Variants in AVL9 observed in about 807,000 individuals in gnomAD.
The protein encoded by AVL9 is late secretory pathway protein AVL9 homolog.
In AVL9, 49 loss-of-function variants were observed where a neutral mutation model predicts 79.2. The ratio of observed to expected loss-of-function variants is 0.62; its 90% confidence interval spans 0.49 to 0.79. The LOEUF is 0.79. AVL9 is among the 30% of genes least tolerant of loss of function. The pLI is 0.00. For missense variants in AVL9, 682 were observed against 776.8 expected, an observed-to-expected ratio of 0.88 and a Z score of 1.45; for synonymous variants, 299 against 280.6, an observed-to-expected ratio of 1.07 and a Z score of -0.65.
intron 1 of AVL9, among the ~76,000 whole-genome samples, chr7:32,512,368 CTG>C (rs1471007734): frequency 6.6e-6 from 1 of 151,492 alleles, no homozygotes; most frequent in African/African-American, 2.4e-5. Flanking sequence ...ATTTACCTCA[CTG>C]TGTGAATGCA....
intron 1 of AVL9, among the ~76,000 whole-genome samples, chr7:32,524,460 A>T (rs1451901332): frequency 1.3e-5 from 2 of 152,092 alleles, no homozygotes; most frequent in African/African-American, 4.8e-5. Flanking sequence ...GGTTGCAGTG[A>T]ACCGAGATCA....
At chr7:32,529,218 C>T (rs776670574) in intron 1 of AVL9, among the ~76,000 whole-genome samples, 6 of 152,136 alleles carry the variant, frequency 3.9e-5, no homozygotes, top group Non-Finnish European at 7.3e-5. Context: ...AAGAGGTTGG[C>T]TTTGTAGGCA....
intron 1 of AVL9, chr7:32,532,500 A>T (rs1788703428): frequency 6.6e-6 from 1 of 152,044 alleles, no homozygotes; most frequent in Non-Finnish European, 1.5e-5. Context: ...GCAAAATGTC[A>T]TTTTATATAA....
At chr7:32,568,201 A>ATT (rs1461334484) in intron 10 of AVL9, among the ~76,000 whole-genome samples, 2 of 129,254 alleles carry the variant, frequency 1.5e-5, no homozygotes, top group South Asian at 2.5e-4. Context: ...TCTTTTATTT[A>ATT]TTTATTTTTT....
chr7:32,553,876 G>A, intron 7 of AVL9, 109 bp downstream of exon 7: 2 of 717,866 alleles, frequency 2.8e-6, no homozygotes, highest in Non-Finnish European at 4.8e-6. Flanking sequence ...ATTGAATGCA[G>A]ATTGTGGCAT....
chr7:32,508,542 T>G (rs1299599553), intron 1 of AVL9, among the ~76,000 whole-genome samples: 2 of 152,248 alleles, frequency 1.3e-5, no homozygotes, highest in Non-Finnish European at 2.9e-5. Context: ...CAAATTTTAC[T>G]TAATAGCACA....
chr7:32,517,975 C>T (rs1787982012), intron 1 of AVL9, among the ~76,000 whole-genome samples: 1 of 152,002 alleles, frequency 6.6e-6, no homozygotes, highest in South Asian at 2.1e-4. Context: ...GGACTACAGG[C>T]ATGTGCCACC....
intron 1 of AVL9, among the ~76,000 whole-genome samples, chr7:32,503,975 A>T (rs961296238): frequency 6.6e-6 from 1 of 152,112 alleles, no homozygotes; most frequent in Non-Finnish European, 1.5e-5. Flanking sequence ...AAGCCACCGC[A>T]CCTGGCCTTT....
At chr7:32,514,197 T>A (rs1787810850) in intron 1 of AVL9, among the ~76,000 whole-genome samples, 1 of 152,248 alleles carries the variant, frequency 6.6e-6, no homozygotes, top group East Asian at 1.9e-4. Context: ...GCTGAGGGGC[T>A]GTAAGGTCTT....
intron 15 of AVL9, among the ~76,000 whole-genome samples, chr7:32,582,262 A>G (rs1462863896): frequency 2.6e-5 from 4 of 152,084 alleles, no homozygotes; most frequent in Non-Finnish European, 2.9e-5. Context: ...CTACTTCCCT[A>G]GCTTCTGAAA....
At chr7:32,536,547 T>C (rs74640715) in intron 1 of AVL9, 5 of 147,436 alleles carry the variant, frequency 3.4e-5, no homozygotes, top group Non-Finnish European at 6.0e-5. Context: ...CTTTTTTTTT[T>C]CATGCTTAAT....
Position 32,544,826 on chromosome 7 carries a change from T to C in AVL9, c.300+47T>C, listed in dbSNP as rs377260665. 2.9e-6 allele frequency: 4 copies of C among 1,380,258 alleles called. No homozygotes were observed. In the African/African-American group the frequency reaches 5.7e-5, roughly 20 times the overall value. 85.5% of individuals were successfully genotyped at this position (1,380,258 alleles called of 1,614,324 possible). A position where few individuals can be genotyped will look rare whatever the true frequency, so the allele number is the denominator to read the frequency against. Reference sequence around the variant, plus strand: ...AACAATTCCAAAGTCCCTTCTTAGATGTTGGACACTTAAACACAGTCTTTA... The same window carrying C: ...AACAATTCCAAAGTCCCTTCTTAGACGTTGGACACTTAAACACAGTCTTTA... On this transcript the variant is annotated intron_variant, in intron 3 of 15. Transcript: ENST00000318709.
At position 32,587,556 on chromosome 7, in the gene AVL9, A is replaced by G. The variant is rs1583625236; in HGVS notation, c.*3649A>G. ...GTTGCAGAAAGTAGCCTGTTAGGAC[A>G]GCAGCTGCTAAGCGTTGCCTGGTAT... On this transcript the variant is annotated 3_prime_UTR_variant, in exon 16 of 16. Transcript: ENST00000318709. 1 of 152,250 alleles carries G rather than the reference A, an allele frequency of 6.6e-6. No individual in the cohort carries two copies. Among genetic ancestry groups the G allele is most frequent in the South Asian group, 2.1e-4 (1 of 4,836 alleles). 9.4% of individuals were successfully genotyped at this position (152,250 alleles called of 1,614,324 possible).
chr7:32,525,146 G>A (rs568100352), intron 1 of AVL9, among the ~76,000 whole-genome samples: 10 of 152,176 alleles, frequency 6.6e-5, no homozygotes, highest in African/African-American at 2.2e-4. Context: ...TCTGGCTAAC[G>A]AAGGGTCAAA....
At chr7:32,555,953 GTAAC>G (rs1413399483) in intron 8 of AVL9, among the ~76,000 whole-genome samples, 4 of 152,096 alleles carry the variant, frequency 2.6e-5, no homozygotes, top group African/African-American at 9.7e-5. Flanking sequence ...TTATAAGTGA[GTAAC>G]TATTAGTTTA....
intron 4 of AVL9, among the ~76,000 whole-genome samples, chr7:32,550,336 C>T (rs1186898774): frequency 1.3e-5 from 2 of 152,142 alleles, no homozygotes; most frequent in African/African-American, 4.8e-5. Flanking sequence ...GTGTAATTCT[C>T]ACAGACATGT....
In AVL9 at chr7:32,495,733, G is replaced by A. The variant is rs750837056; in HGVS notation, c.24G>A (p.Gly8=). 3 of 1,261,830 alleles carry A rather than the reference G, an allele frequency of 2.4e-6. No homozygotes were observed. Among genetic ancestry groups the A allele is most frequent in the South Asian group, 3.3e-5 (1 of 30,432 alleles). The allele number at this position is 1,261,830 out of a possible 1,614,324, so 78.2% of individuals were successfully genotyped here. Residue 8 remains glycine, a synonymous_variant, in exon 1 of 16, where the codon GGG becomes GGA. Coordinates refer to ENST00000318709, the MANE Select transcript of AVL9 (RefSeq NM_015060.3). Reference sequence around the variant, plus strand: ...CCATGGAGAAGGCCAGGAGAGGCGGGGATGGCGTCCCCCGGGGGCCCGTAC... The same window carrying A: ...CCATGGAGAAGGCCAGGAGAGGCGGAGATGGCGTCCCCCGGGGGCCCGTAC... MEKARRG[G]DGVPRGPVLH... is the part of the protein sequence containing the mutation.
intron 8 of AVL9, among the ~76,000 whole-genome samples, chr7:32,557,682 G>A (rs1218931716): frequency 6.6e-6 from 1 of 152,086 alleles, no homozygotes; most frequent in African/African-American, 2.4e-5. Flanking sequence ...TTTGGTTGAG[G>A]TGGTGGTTGC....
At chr7:32,578,845 G>T (rs1026289123) in intron 13 of AVL9, among the ~76,000 whole-genome samples, 1 of 152,054 alleles carries the variant, frequency 6.6e-6, no homozygotes, top group Non-Finnish European at 1.5e-5. Flanking sequence ...TGTTATCAGA[G>T]GGTGTCATTT....
Sources: allele counts gnomAD v4.1 joint callset (sites outside exome capture counted in the v4.1 genomes callset), GRCh38; gene constraint gnomAD v4.1.1; transcripts MANE v1.5; gene names NCBI Gene and HGNC (gene_info 2026-07-23, HGNC 2026-07-21).